Variants in BTN2A2 observed in about 807,000 individuals in gnomAD.
The protein encoded by BTN2A2 is butyrophilin 2.
BTN2A2 carries 29 observed loss-of-function variants against 34.7 expected under a neutral mutation model. The ratio of observed to expected loss-of-function variants is 0.84; its 90% CI spans 0.62 to 1.14. BTN2A2 has a LOEUF of 1.14. Ranked by LOEUF, BTN2A2 falls within the 50% of genes most tolerant of loss-of-function variation. The pLI is 0.00. For synonymous variants in BTN2A2, 240 were observed against 253.1 expected (o/e 0.95, Z 0.49); for missense variants, 612 against 651.5 (o/e 0.94, Z 0.66).
At chr6:26,390,498 A>G (rs1359329347) in intron 5 of BTN2A2, 189 bp from the exon 6 acceptor site, 19 of 778,168 alleles carry the variant, frequency 2.4e-5, no homozygotes, top group African/African-American at 3.5e-5. Context: ...ACAAAAGTCT[A>G]ACAATGTACT....
At position 26,384,369 on chromosome 6, in the gene BTN2A2, A is replaced by C. The variant is rs947142142; in HGVS notation, c.94+454A>C. ...CACTATTTTGCCCAGGCTGGTCTCAAACTCCTAGCTGTTAAGGATCCTCCC... is the reference window on the plus strand; with the variant it reads ...CACTATTTTGCCCAGGCTGGTCTCACACTCCTAGCTGTTAAGGATCCTCCC... On this transcript the variant is annotated intron_variant, in intron 2 of 7. Transcript: ENST00000356709. This position sits in a 1 kb window ranked among gnomAD's most constrained non-coding sequence, Gnocchi z 4.0. 1.3e-5 allele frequency among the ~76,000 whole-genome samples: 2 copies of C among 152,178 alleles called. No individual in the cohort carries two copies. Among genetic ancestry groups the C allele is most frequent in the Non-Finnish European group, 2.9e-5 (2 of 68,026 alleles).
rs576875639 is a variant in BTN2A2 at position 26,390,736 on chromosome 6, G to A, written c.952+29G>A. Reference sequence around the variant, plus strand: ...AGTTTAGCCTTTCCTGAACTACTCCGTGTACAATTTGTGTTCTGCTTACTT... The same window carrying A: ...AGTTTAGCCTTTCCTGAACTACTCCATGTACAATTTGTGTTCTGCTTACTT... On this transcript the variant is annotated intron_variant, in intron 6 of 7. Transcript: ENST00000356709. 68 of 1,614,202 alleles carry A rather than the reference G, an allele frequency of 4.2e-5. 2 individuals carry two copies. The highest frequency in any genetic ancestry group is 1.6e-4 in the South Asian group (15 of 91,088).
chr6:26,389,312 C>A (rs1193682607), intron 4 of BTN2A2, among the ~76,000 whole-genome samples: 1 of 152,110 alleles, frequency 6.6e-6, no homozygotes, highest in African/African-American at 2.4e-5. Flanking sequence ...TCAGGGAAGA[C>A]TTCACTGTAA....
At position 26,383,628 on chromosome 6, in the gene BTN2A2, T is replaced by C. The variant is rs1441063654; in HGVS notation, c.-30-164T>C. The C allele has an allele frequency of 4.8e-6, 3 of 625,294 alleles. No individual in the cohort carries two copies. The highest frequency in any genetic ancestry group is 8.6e-6 in the Non-Finnish European group (3 of 350,338). 38.7% of individuals were successfully genotyped at this position (625,294 alleles called of 1,614,324 possible). A position where few individuals can be genotyped will look rare whatever the true frequency, so the allele number is the denominator to read the frequency against. ...CTGCATTGATGGCTTACTTATGGAATGTTTACGGAATCCCTCTTTCGGAGA... is the reference window on the plus strand; with the variant it reads ...CTGCATTGATGGCTTACTTATGGAACGTTTACGGAATCCCTCTTTCGGAGA... On this transcript the variant is annotated intron_variant, in intron 1 of 7. Coordinates refer to ENST00000356709, the MANE Select transcript of BTN2A2 (RefSeq NM_006995.5). The surrounding 1 kb of genome is among the most constrained non-coding windows in gnomAD (Gnocchi z 4.4).
At chr6:26,385,476 T>A in intron 3 of BTN2A2, 114 bp downstream of exon 3, 1 of 1,071,338 alleles carries the variant, frequency 9.3e-7, no homozygotes, top group Non-Finnish European at 1.3e-6. Context: ...GCGTCCCCTT[T>A]CCACAGAGAA....
chr6:26,392,475 C>A lies in BTN2A2; in HGVS notation c.1080C>A (p.Asp360Glu). The A allele has an allele frequency of 6.2e-7, 1 of 1,614,244 alleles. No individual in the cohort carries two copies. The highest frequency in any genetic ancestry group is 2.2e-5 in the East Asian group (1 of 44,880). The change falls in exon 8 of 8, where the codon GAC (aspartate) becomes GAA (glutamate). Residue 360 changes from aspartate to glutamate, a missense_variant. Transcript: ENST00000356709. ...RRGPYRQRVPDNPERFDSQPC... is the reference protein window; with the variant it reads ...RRGPYRQRVPENPERFDSQPC... ...GCCCCTACAGGCAGAGAGTGCCTGA[C>A]AACCCAGAGAGATTCGACAGTCAGC... is the stretch of plus-strand genomic sequence containing the variant.
In BTN2A2 at chr6:26,392,491, G is replaced by T; in HGVS notation, c.1096G>T (p.Asp366Tyr). ...QRVPDNPERF[D>Y]SQPCVLGWES... ...AGTGCCTGACAACCCAGAGAGATTCGACAGTCAGCCTTGTGTCCTGGGATG... is the reference window on the plus strand; with the variant it reads ...AGTGCCTGACAACCCAGAGAGATTCTACAGTCAGCCTTGTGTCCTGGGATG... Residue 366 changes from aspartate to tyrosine, a missense_variant, in exon 8 of 8, where the codon GAC becomes TAC. By Grantham distance (160) the Asp-to-Tyr change is radical. Transcript: ENST00000356709. The T allele has an allele frequency of 6.2e-7, 1 of 1,614,232 alleles. No homozygotes were observed. The highest frequency in any genetic ancestry group is 8.5e-7 in the Non-Finnish European group (1 of 1,180,048).
chr6:26,385,169 G>C lies in BTN2A2; in HGVS notation c.249G>C (p.Lys83Asn), dbSNP rs1450328545. Residue 83 changes from lysine to asparagine, a missense_variant, in exon 3 of 8, where the codon AAG becomes AAC. Physicochemically the swap from Lys to Asn is moderately conservative, Grantham distance 94 (BLOSUM62 0). Transcript: ENST00000356709. ...SQFSPAVFVY[K>N]GGRERTEEQM... is the part of the protein sequence containing the mutation. ...TCTCCCCCGCAGTGTTTGTGTATAA[G>C]GGTGGGAGAGAGAGAACAGAGGAGC... 6.2e-7 allele frequency: 1 copy of C among 1,614,148 alleles called. No homozygotes were observed. The highest frequency in any genetic ancestry group is 1.3e-5 in the African/African-American group (1 of 74,996).
At chr6:26,389,785 TG>T (rs1210602930) in intron 4 of BTN2A2, among the ~76,000 whole-genome samples, 1 of 152,192 alleles carries the variant, frequency 6.6e-6, no homozygotes, top group African/African-American at 2.4e-5. Flanking sequence ...CTTTCCATGG[TG>T]ACTCCAGATG....
Position 26,393,043 on chromosome 6 carries a change from A to G in BTN2A2, c.*76A>G, listed in dbSNP as rs1038691040. On this transcript the variant is annotated 3_prime_UTR_variant, in exon 8 of 8. Transcript: ENST00000356709. ...CAGCCACCGCACAACCCCCCTAATG[A>G]AAGACACGCCCTCCTCCCCTCTGGT... 3.6e-5 allele frequency: 58 copies of G among 1,612,470 alleles called. No homozygotes were observed. In the African/African-American group the frequency reaches 5.7e-4, roughly 16 times the overall value.
rs951552679 is a variant in BTN2A2 at position 26,384,553 on chromosome 6, A to C, written c.95-462A>C. ...CAATATTTAAATGCTTAGTTAATAG[A>C]ACTATTACCAATGAGATATTTGACA... On this transcript the variant is annotated intron_variant, in intron 2 of 7. Transcript: ENST00000356709. This position sits in a 1 kb window ranked among gnomAD's most constrained non-coding sequence, Gnocchi z 4.0. Among the ~76,000 whole-genome samples, 2 of 152,238 alleles carry C rather than the reference A, an allele frequency of 1.3e-5. No individual in the cohort carries two copies. Among genetic ancestry groups the C allele is most frequent in the African/African-American group, 4.8e-5 (2 of 41,442 alleles).
At chr6:26,390,329 T>C in intron 5 of BTN2A2, 118 bp downstream of exon 5, 1 of 1,071,278 alleles carries the variant, frequency 9.3e-7, no homozygotes, top group South Asian at 1.6e-5. Context: ...GGTACCGGCT[T>C]AGGGAAGAGA....
chr6:26,384,020 T>G lies in BTN2A2; in HGVS notation c.94+105T>G. 1 of 1,308,806 alleles carries G rather than the reference T, an allele frequency of 7.6e-7. No individual in the cohort carries two copies. The highest frequency in any genetic ancestry group is 1.1e-6 in the Non-Finnish European group (1 of 915,450). 81.1% of individuals were successfully genotyped at this position (1,308,806 alleles called of 1,614,324 possible). ...GAACTGTGGGGTTGTTGACTTATCC[T>G]TTCATTCTGAACATGTTCACTGAAT... On this transcript the variant is annotated intron_variant, in intron 2 of 7. Transcript: ENST00000356709. This position sits in a 1 kb window ranked among gnomAD's most constrained non-coding sequence, Gnocchi z 4.0.
chr6:26,384,922 T>G lies in BTN2A2; in HGVS notation c.95-93T>G, dbSNP rs934416679. 5 of 1,316,596 alleles carry G rather than the reference T, an allele frequency of 3.8e-6. No homozygotes were observed. The East Asian group carries it at 1.2e-4, about 32-fold the overall frequency. The allele number at this position is 1,316,596 out of a possible 1,614,324, so 81.6% of individuals were successfully genotyped here. A position where few individuals can be genotyped will look rare whatever the true frequency, so the allele number is the denominator to read the frequency against. On this transcript the variant is annotated intron_variant, in intron 2 of 7. Coordinates refer to ENST00000356709, the MANE Select transcript of BTN2A2 (RefSeq NM_006995.5). The surrounding 1 kb of genome is among the most constrained non-coding windows in gnomAD (Gnocchi z 4.0). ...TCTGCTTCCTTTCATCCCTGGAGTTTTTTTTGTTTGTTTGTTTTTGTTTTT... is the reference window on the plus strand; with the variant it reads ...TCTGCTTCCTTTCATCCCTGGAGTTGTTTTTGTTTGTTTGTTTTTGTTTTT...
At position 26,392,980 on chromosome 6, in the gene BTN2A2, G is replaced by T. The variant is rs759500474; in HGVS notation, c.*13G>T. On this transcript the variant is annotated 3_prime_UTR_variant, in exon 8 of 8. Transcript: ENST00000356709. The stretch of plus-strand genomic sequence containing the variant: ...CCAGAGCCTATAGAATCAATTCCTT[G>T]GACTCACAGCCATGCAGATAAGCCC... 6.2e-7 allele frequency: 1 copy of T among 1,613,874 alleles called. No homozygotes were observed. The highest frequency in any genetic ancestry group is 1.3e-5 in the African/African-American group (1 of 74,868).
At position 26,385,049 on chromosome 6, in the gene BTN2A2, C is replaced by T. The variant is rs1400164980; in HGVS notation, c.129C>T (p.Ile43=). The T allele has an allele frequency of 1.2e-6, 2 of 1,613,744 alleles. No individual in the cohort carries two copies. Among genetic ancestry groups the T allele is most frequent in the African/African-American group, 1.3e-5 (1 of 74,856 alleles). ...QFTVVGPANP[I]LAMVGENTTL... The stretch of plus-strand genomic sequence containing the variant: ...CTGTCGTGGGGCCAGCTAATCCCAT[C>T]CTGGCCATGGTGGGAGAAAACACTA... Residue 43 remains isoleucine (I), a synonymous_variant, in exon 3 of 8, where the codon ATC becomes ATT. Transcript: ENST00000356709.
rs892337548 is a variant in BTN2A2, at chr6:26,384,407, C to T, written c.94+492C>T. On this transcript the variant is annotated intron_variant, in intron 2 of 7. Coordinates refer to ENST00000356709, the MANE Select transcript of BTN2A2 (RefSeq NM_006995.5). This position sits in a 1 kb window ranked among gnomAD's most constrained non-coding sequence, Gnocchi z 4.0. ...TAAGGATCCTCCCACTTTGGCCTCC[C>T]AAATATCTGCAATTACAGGCGCAAG... Among the ~76,000 whole-genome samples, 3 of 152,164 alleles carry T rather than the reference C, an allele frequency of 2.0e-5. No individual in the cohort carries two copies. The highest frequency in any genetic ancestry group is 7.2e-5 in the African/African-American group (3 of 41,428).
Position 26,393,228 on chromosome 6 carries a change from C to A in BTN2A2, c.*261C>A. ...AACTAGTTGTTTCATAGCTCCCAGT[C>A]AAAAAGAAAGTGAGAGAAGCTGTTG... On this transcript the variant is annotated 3_prime_UTR_variant, in exon 8 of 8. Coordinates refer to ENST00000356709, the MANE Select transcript of BTN2A2 (RefSeq NM_006995.5). 1 of 1,485,634 alleles carries A rather than the reference C, an allele frequency of 6.7e-7. No homozygotes were observed. Among genetic ancestry groups the A allele is most frequent in the Non-Finnish European group, 8.9e-7 (1 of 1,119,366 alleles). 92.0% of individuals were successfully genotyped at this position (1,485,634 alleles called of 1,614,324 possible).
At position 26,392,647 on chromosome 6, in the gene BTN2A2, T is replaced by C. The variant is rs778055024; in HGVS notation, c.1252T>C (p.Trp418Arg). 1 of 1,614,120 alleles carries C rather than the reference T, an allele frequency of 6.2e-7. No homozygotes were observed. The highest frequency in any genetic ancestry group is 1.3e-5 in the African/African-American group (1 of 74,944). Residue 418 changes from tryptophan to arginine, a missense_variant, in exon 8 of 8, where the codon TGG (tryptophan) becomes CGG (arginine). Transcript: ENST00000356709. ...EVLLIPQNGF[W>R]TLEMFGNQYR... The stretch of plus-strand genomic sequence containing the variant: ...CCTGCTGATTCCTCAGAATGGCTTC[T>C]GGACCCTGGAGATGTTTGGAAACCA...
Sources: gnomAD v4.1 joint callset for allele counts (sites outside exome capture counted in the v4.1 genomes callset) on GRCh38, gnomAD v4.1.1 for gene constraint, Gnocchi (gnomAD v3.1) non-coding constraint, MANE v1.5 for transcripts, NCBI Gene and HGNC (gene_info 2026-07-23, HGNC 2026-07-21) for gene names.